SDK1: variants seen among roughly 807,000 people sequenced by gnomAD.
SDK1 encodes the protein protein sidekick-1.
SDK1 carries 157 observed loss-of-function variants against 245.5 expected under a neutral mutation model. That is an observed-to-expected ratio of 0.64 (90% CI 0.56 to 0.73). SDK1 has a LOEUF of 0.73. SDK1 is among the 30% of genes least tolerant of loss of function. The probability of loss-of-function intolerance (pLI) is 0.00; values close to 1 mark genes in which losing one functional copy is unlikely to be tolerated. For missense variants in SDK1, 3,583 were observed against 3,002.3 expected, an observed-to-expected ratio of 1.19 and a Z score of -4.52; for synonymous variants, 1,647 against 1,278.5, an observed-to-expected ratio of 1.29 and a Z score of -6.15.
intron 17 of SDK1, among the ~76,000 whole-genome samples, chr7:4,019,460 A>G (rs74391104): frequency 0.016 from 2,442 of 152,296 alleles, 62 homozygotes; most frequent in African/African-American, 0.056. Context: ...AGATAGTGGC[A>G]CAGTGGGTGG....
At chr7:3,454,763 G>C (rs1167981997) in intron 1 of SDK1, among the ~76,000 whole-genome samples, 2 of 152,126 alleles carry the variant, frequency 1.3e-5, no homozygotes, top group African/African-American at 2.4e-5. Flanking sequence ...GGACATCTAG[G>C]TTACTTTCAG....
At chr7:3,928,704 A>G (rs553002866) in intron 5 of SDK1, among the ~76,000 whole-genome samples, 1 of 152,316 alleles carries the variant, frequency 6.6e-6, no homozygotes, top group South Asian at 2.1e-4. Context: ...AATAACCAAC[A>G]TCCCCTAATC....
At chr7:3,758,778 G>A (rs992147275) in intron 4 of SDK1, among the ~76,000 whole-genome samples, 3 of 152,134 alleles carry the variant, frequency 2.0e-5, no homozygotes, top group Non-Finnish European at 4.4e-5. Flanking sequence ...GAGTGTGCTT[G>A]TAGCCCCTGT....
intron 4 of SDK1, among the ~76,000 whole-genome samples, chr7:3,757,498 A>T (rs1394063600): frequency 3.3e-5 from 5 of 152,070 alleles, no homozygotes; most frequent in African/African-American, 1.2e-4. Context: ...TGGCCTCCCA[A>T]AGTGCTGGGA....
chr7:3,929,412 A>G (rs1004141388), intron 5 of SDK1, among the ~76,000 whole-genome samples: 1 of 152,152 alleles, frequency 6.6e-6, no homozygotes, highest in Non-Finnish European at 1.5e-5. Context: ...CACACCTTCT[A>G]GCTTGTTCTT....
At chr7:3,357,053 GAAAAAAA>G (rs35467524) in intron 1 of SDK1, among the ~76,000 whole-genome samples, 3 of 81,298 alleles carry the variant, frequency 3.7e-5, no homozygotes, top group Admixed American at 1.5e-4. Context: ...AGACTCTCTC[GAAAAAAA>G]AAAAAAAAAA....
chr7:3,580,397 G>C (rs1271366916), intron 1 of SDK1, among the ~76,000 whole-genome samples: 2 of 152,092 alleles, frequency 1.3e-5, no homozygotes, highest in Non-Finnish European at 2.9e-5. Context: ...AAATTATACT[G>C]CAGGGCTACA....
At chr7:3,308,876 T>C (rs576756950) in intron 1 of SDK1, among the ~76,000 whole-genome samples, 1 of 152,184 alleles carries the variant, frequency 6.6e-6, no homozygotes, top group Non-Finnish European at 1.5e-5. Context: ...GAATAGTCTT[T>C]CCAATGAGAA....
At chr7:3,738,873 G>A (rs1169373309) in intron 4 of SDK1, among the ~76,000 whole-genome samples, 1 of 151,708 alleles carries the variant, frequency 6.6e-6, no homozygotes, top group Admixed American at 6.6e-5. Context: ...TGTTGATTTT[G>A]TTTCCTATCA....
At chr7:3,475,283 C>T (rs1562508966) in intron 1 of SDK1, among the ~76,000 whole-genome samples, 1 of 152,176 alleles carries the variant, frequency 6.6e-6, no homozygotes, top group South Asian at 2.1e-4. Context: ...TCCCCTCTGT[C>T]TGGAAGTGCT....
At chr7:3,674,192 A>T (rs544712065) in intron 4 of SDK1, among the ~76,000 whole-genome samples, 1 of 152,350 alleles carries the variant, frequency 6.6e-6, no homozygotes, top group African/African-American at 2.4e-5. Flanking sequence ...GAAAGACAGC[A>T]TCAGAAATTG....
chr7:4,124,261 A>T (rs1784241353), intron 25 of SDK1, among the ~76,000 whole-genome samples: 1 of 152,208 alleles, frequency 6.6e-6, no homozygotes, highest in African/African-American at 2.4e-5. Context: ...TAAATGACAG[A>T]AATGTTTTCT....
At chr7:3,709,861 C>T (rs1012564903) in intron 4 of SDK1, among the ~76,000 whole-genome samples, 3 of 152,206 alleles carry the variant, frequency 2.0e-5, no homozygotes, top group African/African-American at 7.2e-5. Context: ...TGCTGTTTGT[C>T]ATCAAGGCCC....
intron 1 of SDK1, among the ~76,000 whole-genome samples, chr7:3,417,832 AG>A (rs1282981410): frequency 6.6e-6 from 1 of 152,150 alleles, no homozygotes; most frequent in Non-Finnish European, 1.5e-5. Flanking sequence ...AGAGTCTGAA[AG>A]GCTTCTGTCC....
At chr7:4,005,657 A>C (rs1383350911) in intron 14 of SDK1, among the ~76,000 whole-genome samples, 1 of 152,164 alleles carries the variant, frequency 6.6e-6, no homozygotes, top group African/African-American at 2.4e-5. Flanking sequence ...CTGTGGCTAC[A>C]GACCCGAAAG....
intron 1 of SDK1, among the ~76,000 whole-genome samples, chr7:3,337,264 G>C (rs1252254172): frequency 2.0e-5 from 3 of 152,006 alleles, no homozygotes; most frequent in Admixed American, 2.0e-4. Flanking sequence ...AATAATGATA[G>C]TTTAAAAATA....
chr7:3,906,423 C>T (rs1050228154), intron 5 of SDK1, among the ~76,000 whole-genome samples: 3 of 151,288 alleles, frequency 2.0e-5, no homozygotes, highest in South Asian at 2.1e-4. Context: ...AGACAGAGAG[C>T]GCGCGAGTGC....
chr7:4,194,816 C>A (rs1453521176), intron 35 of SDK1, among the ~76,000 whole-genome samples: 1 of 152,172 alleles, frequency 6.6e-6, no homozygotes, highest in Non-Finnish European at 1.5e-5. Flanking sequence ...CACAGACACG[C>A]CCAGGATTAA....
chr7:4,029,057 C>T (rs73298984), intron 17 of SDK1, among the ~76,000 whole-genome samples: 1,387 of 120,194 alleles, frequency 0.012, 9 homozygotes, highest in African/African-American at 0.044. Context: ...TTTGCTTTTC[C>T]GAGGGGGGTG....
Sources: gnomAD v4.1 joint callset for allele counts (sites outside exome capture counted in the v4.1 genomes callset) on GRCh38, gnomAD v4.1.1 for gene constraint, MANE v1.5 for transcripts, NCBI Gene and HGNC (gene_info 2026-07-23, HGNC 2026-07-21) for gene names.